ZNF407: variants seen among roughly 807,000 people sequenced by gnomAD.
The protein encoded by ZNF407 is zinc finger protein 407.
In ZNF407, 17 loss-of-function variants were observed where a neutral mutation model predicts 131.2. The ratio of observed to expected loss-of-function variants is 0.13; its 90% confidence interval spans 0.09 to 0.19. The LOEUF (loss-of-function observed/expected upper bound fraction) is 0.19, where lower values mean the gene tolerates loss of function less well. Among genes scored for constraint, ZNF407 ranks in the 10% least tolerant of loss-of-function variants. ZNF407 has a pLI of 1.00. For missense variants in ZNF407, 2,681 were observed against 2,830.6 expected, an observed-to-expected ratio of 0.95 and a Z score of 1.20; for synonymous variants, 1,156 against 1,062.0, an observed-to-expected ratio of 1.09 and a Z score of -1.72.
intron 8 of ZNF407, among the ~76,000 whole-genome samples, chr18:74,960,065 A>G (rs947150659): frequency 1.5e-4 from 23 of 152,236 alleles, no homozygotes; most frequent in African/African-American, 5.5e-4. Flanking sequence ...GTATAATTGA[A>G]GATCAGTGGT....
At chr18:74,808,107 A>G (rs1486624573) in intron 4 of ZNF407, among the ~76,000 whole-genome samples, 1 of 151,816 alleles carries the variant, frequency 6.6e-6, no homozygotes, top group Non-Finnish European at 1.5e-5. Context: ...TCCGCCTCCG[A>G]GGTTCAGATG....
chr18:74,845,085 C>T (rs570788297), intron 4 of ZNF407, among the ~76,000 whole-genome samples: 10 of 152,250 alleles, frequency 6.6e-5, no homozygotes, highest in East Asian at 3.9e-4. Flanking sequence ...TCAGGGTGCC[C>T]GGCTTGAAGG....
chr18:74,785,648 G>A (rs1969688734), intron 4 of ZNF407, among the ~76,000 whole-genome samples: 1 of 152,122 alleles, frequency 6.6e-6, no homozygotes, highest in African/African-American at 2.4e-5. Context: ...AAGCATCATT[G>A]CTATTTTTCA....
At chr18:74,853,453 C>T (rs1234535828) in intron 4 of ZNF407, among the ~76,000 whole-genome samples, 1 of 152,154 alleles carries the variant, frequency 6.6e-6, no homozygotes, top group East Asian at 1.9e-4. Context: ...TCTGAGTGGC[C>T]AGACATCCTG....
At position 74,964,657 on chromosome 18, in the gene ZNF407, T is replaced by C. The variant is rs572654293; in HGVS notation, c.5428+43965T>C. On this transcript the variant is annotated intron_variant, in intron 8 of 8. Transcript: ENST00000299687. ...TTTAAATTGTTGTCTTTTTTCTTTT[T>C]CATTTCCTGGTTTTAAATATTTCAT... Among the ~76,000 whole-genome samples, 47 of 152,148 alleles carry C rather than the reference T, an allele frequency of 3.1e-4. No homozygotes were observed. The East Asian group carries it at 6.4e-3, about 21-fold the overall frequency.
chr18:74,970,666 G>A (rs892512634), intron 8 of ZNF407, among the ~76,000 whole-genome samples: 1 of 152,142 alleles, frequency 6.6e-6, no homozygotes, highest in African/African-American at 2.4e-5. Context: ...CACTTTGCAG[G>A]GTATAGCCCC....
chr18:74,713,900 C>A (rs1172217227), intron 3 of ZNF407, among the ~76,000 whole-genome samples: 1 of 152,098 alleles, frequency 6.6e-6, no homozygotes, highest in African/African-American at 2.4e-5. Context: ...CATAATATGG[C>A]AGAACTAACA....
intron 6 of ZNF407, among the ~76,000 whole-genome samples, chr18:74,887,884 C>G (rs1971331778): frequency 6.6e-6 from 1 of 152,120 alleles, no homozygotes; most frequent in Non-Finnish European, 1.5e-5. Flanking sequence ...CATCTAACTA[C>G]TGTGCTGCAG....
In ZNF407 at chr18:74,750,543, G is replaced by T. The variant is rs139960516; in HGVS notation, c.4803-30885G>T. Among the ~76,000 whole-genome samples the T allele has an allele frequency of 4.0e-3, 616 of 152,242 alleles. 3 individuals are homozygous for T. The highest frequency in any genetic ancestry group is 0.012 in the African/African-American group (513 of 41,532). ...TTCATTCATGTCATAGCATGCATCA[G>T]TGCTTCCTTCTTGTGGCCAACTAAT... On this transcript the variant is annotated intron_variant, in intron 3 of 8. Coordinates refer to ENST00000299687, the MANE Select transcript of ZNF407 (RefSeq NM_017757.3).
chr18:74,781,517 T>C lies in ZNF407; in HGVS notation c.4877+15T>C, dbSNP rs1436658744. 6.7e-7 allele frequency: 1 copy of C among 1,484,224 alleles called. No homozygotes were observed. Among genetic ancestry groups the C allele is most frequent in the African/African-American group, 1.4e-5 (1 of 69,298 alleles). 91.9% of individuals were successfully genotyped at this position (1,484,224 alleles called of 1,614,324 possible). A position where few individuals can be genotyped will look rare whatever the true frequency, so the allele number is the denominator to read the frequency against. On this transcript the variant is annotated intron_variant, in intron 4 of 8. Transcript: ENST00000299687. Reference sequence around the variant, plus strand: ...CCAAAAGAAAGGTAATTTTCATTCTTTTTTTTTCATTTAAAAATACAATTT... The same window carrying C: ...CCAAAAGAAAGGTAATTTTCATTCTCTTTTTTTCATTTAAAAATACAATTT...
chr18:74,661,666 G>T (rs1282979819), intron 3 of ZNF407, among the ~76,000 whole-genome samples: 1 of 152,098 alleles, frequency 6.6e-6, no homozygotes, highest in Admixed American at 6.5e-5. Context: ...AATTTGAAAA[G>T]ATGAGATTAT....
intron 3 of ZNF407, among the ~76,000 whole-genome samples, chr18:74,643,221 A>T (rs1451774597): frequency 2.6e-5 from 4 of 152,134 alleles, no homozygotes; most frequent in East Asian, 3.8e-4. Flanking sequence ...TGACAAAGTC[A>T]ATTCATTATC....
intron 3 of ZNF407, among the ~76,000 whole-genome samples, chr18:74,673,928 A>G (rs1315596618): frequency 6.6e-6 from 1 of 152,202 alleles, no homozygotes; most frequent in Non-Finnish European, 1.5e-5. Flanking sequence ...CTGACCTACC[A>G]TTTAAAGAAG....
At chr18:75,037,917 G>T (rs942763584) in intron 8 of ZNF407, among the ~76,000 whole-genome samples, 8 of 152,106 alleles carry the variant, frequency 5.3e-5, no homozygotes, top group African/African-American at 1.9e-4. Context: ...TACTCATTGG[G>T]AATTTTAACT....
At chr18:75,017,988 A>G (rs969700221) in intron 8 of ZNF407, among the ~76,000 whole-genome samples, 1 of 152,202 alleles carries the variant, frequency 6.6e-6, no homozygotes, top group Non-Finnish European at 1.5e-5. Context: ...AAAAGAAAAT[A>G]TTCTTGGGTG....
intron 7 of ZNF407, among the ~76,000 whole-genome samples, chr18:74,897,529 T>A (rs960833627): frequency 6.6e-6 from 1 of 152,202 alleles, no homozygotes; most frequent in South Asian, 2.1e-4. Flanking sequence ...TTGGGGATGG[T>A]CTTTCTACAA....
At chr18:75,040,083 T>C (rs1973355832) in intron 8 of ZNF407, among the ~76,000 whole-genome samples, 1 of 152,184 alleles carries the variant, frequency 6.6e-6, no homozygotes, top group Non-Finnish European at 1.5e-5. Flanking sequence ...AGGCCCATTT[T>C]TCACACCATG....
chr18:74,702,730 C>T lies in ZNF407; in HGVS notation c.4802+61608C>T, dbSNP rs554872622. On this transcript the variant is annotated intron_variant, in intron 3 of 8. Coordinates refer to ENST00000299687, the MANE Select transcript of ZNF407 (RefSeq NM_017757.3). ...ATATAAATACATATTTCCCTATAAACATTGATATGCATACGTATATTCAGG... is the reference window on the plus strand; with the variant it reads ...ATATAAATACATATTTCCCTATAAATATTGATATGCATACGTATATTCAGG... Among the ~76,000 whole-genome samples the T allele has an allele frequency of 2.2e-4, 33 of 152,154 alleles. No homozygotes were observed. In the South Asian group the frequency reaches 6.2e-3, roughly 29 times the overall value.
intron 8 of ZNF407, among the ~76,000 whole-genome samples, chr18:75,017,281 T>C (rs1177363092): frequency 6.6e-6 from 1 of 152,154 alleles, no homozygotes; most frequent in East Asian, 1.9e-4. Context: ...ATAATCACTT[T>C]ACCCACATGT....
Sources: allele counts gnomAD v4.1 joint callset (sites outside exome capture counted in the v4.1 genomes callset), GRCh38; gene constraint gnomAD v4.1.1; transcripts MANE v1.5; gene names NCBI Gene and HGNC (gene_info 2026-07-23, HGNC 2026-07-21).